The following SLC26A7 variants were observed in gnomAD, a reference collection of about 807,000 sequenced individuals.
SLC26A7 encodes the protein solute carrier family 26 member 7, also known as anion exchange transporter.
Under a neutral mutation model 82.5 loss-of-function variants are expected in SLC26A7, and 59 were observed. The observed-to-expected ratio is 0.72, with a 90% CI of 0.58 to 0.89. SLC26A7 has a LOEUF of 0.89. SLC26A7 is among the 40% of genes least tolerant of loss of function. The pLI is 0.00. For missense variants in SLC26A7, 820 were observed against 793.0 expected, an observed-to-expected ratio of 1.03 and a Z score of -0.41; for synonymous variants, 271 against 274.3, an observed-to-expected ratio of 0.99 and a Z score of 0.12.
chr8:91,233,942 C>G (rs950533312), intron 2 of SLC26A7, among the ~76,000 whole-genome samples: 1 of 152,214 alleles, frequency 6.6e-6, no homozygotes, highest in Non-Finnish European at 1.5e-5. Flanking sequence ...TTGGGCTCCT[C>G]TCTTCTCCAA....
In SLC26A7 at chr8:91,310,683, G is replaced by A. The variant is rs150149416; in HGVS notation, c.478-7533G>A. 2.3e-3 allele frequency among the ~76,000 whole-genome samples: 352 copies of A among 152,252 alleles called. 2 individuals carry two copies. Among genetic ancestry groups the A allele is most frequent in the Middle Eastern group, 6.8e-3 (2 of 294 alleles). On this transcript the variant is annotated intron_variant, in intron 4 of 18. Coordinates refer to ENST00000276609, the MANE Select transcript of SLC26A7 (RefSeq NM_052832.4). ...TTCCAGGAAAATTCAACTGGGAAGG[G>A]AGGAATGCCTCAAGTGAGCATGCAT...
At chr8:91,320,255 G>A (rs540623934) in intron 5 of SLC26A7, among the ~76,000 whole-genome samples, 2 of 152,182 alleles carry the variant, frequency 1.3e-5, no homozygotes, top group East Asian at 3.9e-4. Flanking sequence ...TAGAGACGGG[G>A]TTTCACCATA....
chr8:91,368,260 G>A (rs1238482057), intron 14 of SLC26A7, among the ~76,000 whole-genome samples: 1 of 152,184 alleles, frequency 6.6e-6, no homozygotes, highest in Non-Finnish European at 1.5e-5. Context: ...ACACTGTAAA[G>A]TGATTCCATT....
At position 91,344,137 on chromosome 8, in the gene SLC26A7, G is replaced by A. The variant is rs6989918; in HGVS notation, c.1140+671G>A. The A allele has an allele frequency of 6.6e-4, 655 of 985,356 alleles. 1 individual carries two copies. In the African/African-American group the frequency reaches 9.5e-3, roughly 14 times the overall value. 61.0% of individuals were successfully genotyped at this position (985,356 alleles called of 1,614,324 possible). ...GCCAGGCATTGGCTGTCATACTTTTGTTATAAATGAACTTGTTTAATCCTA... is the reference window on the plus strand; with the variant it reads ...GCCAGGCATTGGCTGTCATACTTTTATTATAAATGAACTTGTTTAATCCTA... On this transcript the variant is annotated intron_variant, in intron 9 of 18. Coordinates refer to ENST00000276609, the MANE Select transcript of SLC26A7 (RefSeq NM_052832.4).
chr8:91,224,644 T>C (rs909189328), intron 2 of SLC26A7, among the ~76,000 whole-genome samples: 8 of 152,176 alleles, frequency 5.3e-5, no homozygotes, highest in African/African-American at 1.7e-4. Context: ...TGACAAACCC[T>C]GTTGGAAGGT....
intron 2 of SLC26A7, among the ~76,000 whole-genome samples, chr8:91,230,489 C>T (rs1563635957): frequency 6.6e-6 from 1 of 152,180 alleles, no homozygotes; most frequent in Non-Finnish European, 1.5e-5. Context: ...TCCCTCTAAT[C>T]GGAAAACAGT....
Position 91,366,671 on chromosome 8 carries a change from T to TTA in SLC26A7, c.1580_1581insTA (p.Gln528ThrfsTer46). ...TTTTATACTGATTTAATGAACATGATCCAAAAGGAAAATGCCTGTAATCAG... is the reference window on the plus strand; with the variant it reads ...TTTTATACTGATTTAATGAACATGATTACCAAAAGGAAAATGCCTGTAATCAG... On this transcript the variant is annotated frameshift_variant, in exon 14 of 19. Coordinates refer to ENST00000276609, the MANE Select transcript of SLC26A7 (RefSeq NM_052832.4). LOFTEE classifies it high-confidence loss of function. The TTA allele has an allele frequency of 6.2e-7, 1 of 1,613,526 alleles. No homozygotes were observed. The highest frequency in any genetic ancestry group is 1.3e-5 in the African/African-American group (1 of 75,002).
intron 2 of SLC26A7, among the ~76,000 whole-genome samples, chr8:91,275,383 T>C (rs1229935632): frequency 6.6e-6 from 1 of 152,136 alleles, no homozygotes; most frequent in Non-Finnish European, 1.5e-5. Flanking sequence ...ACTGCAGCCT[T>C]GACCTCCCAG....
chr8:91,361,289 T>C (rs370949143), intron 11 of SLC26A7, among the ~76,000 whole-genome samples: 40 of 152,162 alleles, frequency 2.6e-4, no homozygotes, highest in African/African-American at 9.7e-4. Flanking sequence ...TTTAGAAATA[T>C]TTATTTCAGA....
intron 4 of SLC26A7, 103 bp from the exon 5 acceptor site, chr8:91,318,113 T>G: frequency 9.9e-7 from 1 of 1,009,480 alleles, no homozygotes; most frequent in Non-Finnish European, 1.5e-6. Flanking sequence ...CAGTTCTCTA[T>G]GATTCTATCA....
chr8:91,389,352 T>A lies in SLC26A7; in HGVS notation c.1690T>A (p.Ser564Thr), dbSNP rs200867943. 6.2e-7 allele frequency: 1 copy of A among 1,613,852 alleles called. No homozygotes were observed. ...NGNCNEEASQ[S>T]CPNEKCYLIL... ...TTCTCCTACAGAAGAAGCTTCACAG[T>A]CCTGCCCTAATGAGAAGTGTTATTT... The change falls in exon 16 of 19, where the codon TCC becomes ACC. Residue 564 changes from serine to threonine, a missense_variant. Ser to Thr is a moderately conservative substitution (Grantham distance 58). Transcript: ENST00000276609.
chr8:91,225,643 GTTTTTTTTT>G (rs55732709), intron 2 of SLC26A7, among the ~76,000 whole-genome samples: 2 of 36,132 alleles, frequency 5.5e-5, no homozygotes, highest in African/African-American at 2.4e-4. Flanking sequence ...CTAGAAAAGT[GTTTTTTTTT>G]TTTTTTTTTT....
At chr8:91,236,937 T>C (rs936726160) in intron 2 of SLC26A7, among the ~76,000 whole-genome samples, 1 of 152,214 alleles carries the variant, frequency 6.6e-6, no homozygotes, top group Non-Finnish European at 1.5e-5. Context: ...GTAACAACAT[T>C]TGTGCTTTGT....
chr8:91,324,889 G>T (rs1812892816), intron 5 of SLC26A7, among the ~76,000 whole-genome samples: 1 of 152,164 alleles, frequency 6.6e-6, no homozygotes, highest in Non-Finnish European at 1.5e-5. Flanking sequence ...AATGATTTCA[G>T]TTAAGAGTAT....
chr8:91,309,834 G>A (rs1359981929), intron 4 of SLC26A7, among the ~76,000 whole-genome samples: 2 of 151,992 alleles, frequency 1.3e-5, no homozygotes, highest in Admixed American at 6.6e-5. Flanking sequence ...CTGCATGTAC[G>A]GTGGCTTGCT....
chr8:91,393,423 ATTAAAGCAAGCAGTAGGT>A (rs1808461198), intron 16 of SLC26A7, among the ~76,000 whole-genome samples: 1 of 152,160 alleles, frequency 6.6e-6, no homozygotes, highest in Admixed American at 6.6e-5. Context: ...ATTGTAAAAT[ATTAAAGCAAGCAGTAGGT>A]CTGCAGCTTT....
intron 8 of SLC26A7, among the ~76,000 whole-genome samples, chr8:91,341,257 G>T (rs1039746639): frequency 1.3e-5 from 2 of 151,818 alleles, no homozygotes; most frequent in Non-Finnish European, 2.9e-5. Flanking sequence ...TTGTTCTTGC[G>T]ATAGTTTACT....
chr8:91,252,138 A>G (rs961883128), intron 2 of SLC26A7, among the ~76,000 whole-genome samples: 2 of 152,152 alleles, frequency 1.3e-5, no homozygotes, highest in East Asian at 3.9e-4. Context: ...ACCTTTTTTT[A>G]GCTTTACCCA....
chr8:91,254,402 A>G (rs1044031155), intron 2 of SLC26A7, among the ~76,000 whole-genome samples: 1 of 152,142 alleles, frequency 6.6e-6, no homozygotes, highest in African/African-American at 2.4e-5. Context: ...ACTTTCTAAC[A>G]TATTTTGTTG....
Sources: allele counts gnomAD v4.1 joint callset (sites outside exome capture counted in the v4.1 genomes callset), GRCh38; gene constraint gnomAD v4.1.1; transcripts MANE v1.5; gene names NCBI Gene and HGNC (gene_info 2026-07-23, HGNC 2026-07-21).